MCU: variants seen among roughly 807,000 people sequenced by gnomAD.
MCU encodes the protein mitochondrial calcium uniporter, also known as calcium uniporter protein, mitochondrial.
Under a neutral mutation model 45.2 loss-of-function variants are expected in MCU, and 12 were observed. The ratio of observed to expected loss-of-function variants is 0.27; its 90% confidence interval spans 0.17 to 0.43. MCU has a LOEUF of 0.43. MCU is among the 20% of genes least tolerant of loss of function. The pLI is 1.00. For missense variants in MCU, 324 were observed against 436.7 expected, an observed-to-expected ratio of 0.74 and a Z score of 2.30; for synonymous variants, 160 against 165.1, an observed-to-expected ratio of 0.97 and a Z score of 0.24.
chr10:72,885,704 G>C, intron 7 of MCU, 41 bp from the exon 8 acceptor site: 1 of 1,317,532 alleles, frequency 7.6e-7, no homozygotes, highest in Non-Finnish European at 1.1e-6. Context: ...ATCATTGAAA[G>C]CTTCACTAGC....
intron 1 of MCU, among the ~76,000 whole-genome samples, chr10:72,743,068 A>C (rs927014910): frequency 3.3e-5 from 5 of 151,692 alleles, no homozygotes; most frequent in Admixed American, 3.3e-4. Flanking sequence ...CTTGATCATC[A>C]TGTTGTATTT....
At position 72,799,724 on chromosome 10, in the gene MCU, G is replaced by A. The variant is rs181931669; in HGVS notation, c.151-34635G>A. ...CATCTGATAGAAAAAAAAAGGTAAA[G>A]CAAAACCCATGTCATTGTTTTTAAT... On this transcript the variant is annotated intron_variant, in intron 1 of 7. Transcript: ENST00000373053. Among the ~76,000 whole-genome samples the A allele has an allele frequency of 5.9e-3, 902 of 151,956 alleles. 11 individuals are homozygous for A. Among genetic ancestry groups the A allele is most frequent in the African/African-American group, 0.021 (850 of 41,426 alleles).
intron 1 of MCU, among the ~76,000 whole-genome samples, chr10:72,825,491 T>C (rs1738040352): frequency 6.6e-6 from 1 of 152,204 alleles, no homozygotes; most frequent in Non-Finnish European, 1.5e-5. Context: ...AATACAAAAT[T>C]TGTTTTTAAT....
intron 1 of MCU, among the ~76,000 whole-genome samples, chr10:72,728,989 A>G (rs557473161): frequency 2.4e-4 from 37 of 152,296 alleles, no homozygotes; most frequent in African/African-American, 8.9e-4. Flanking sequence ...TAGTGTCCAA[A>G]TCTGGTGGGC....
rs1845794403 is a variant in MCU, at chr10:72,887,622, CTGTATCATTT to C, written c.*1801_*1810del. The C allele has an allele frequency of 6.6e-6, 1 of 152,628 alleles. No homozygotes were observed. Among genetic ancestry groups the C allele is most frequent in the Non-Finnish European group, 1.5e-5 (1 of 68,014 alleles). 9.5% of individuals were successfully genotyped at this position (152,628 alleles called of 1,614,324 possible). A position where few individuals can be genotyped will look rare whatever the true frequency, so the allele number is the denominator to read the frequency against. On this transcript the variant is annotated 3_prime_UTR_variant, in exon 8 of 8. Coordinates refer to ENST00000373053, the MANE Select transcript of MCU (RefSeq NM_138357.3). ...CAAACTATTGAACATGTGTAAAATC[CTGTATCATTT>C]ATGAAATATGTATAAAAAGCAATGT...
intron 1 of MCU, among the ~76,000 whole-genome samples, chr10:72,706,126 T>C (rs1842816485): frequency 6.6e-6 from 1 of 152,190 alleles, no homozygotes; most frequent in Non-Finnish European, 1.5e-5. Context: ...TTTTTCATTT[T>C]TATAATAATA....
chr10:72,727,969 T>C (rs1419429882), intron 1 of MCU, among the ~76,000 whole-genome samples: 1 of 152,020 alleles, frequency 6.6e-6, no homozygotes, highest in East Asian at 1.9e-4. Context: ...AGAATCAGTC[T>C]TGGTGTCTAC....
chr10:72,777,370 G>C (rs1195636644), intron 1 of MCU, among the ~76,000 whole-genome samples: 1 of 152,128 alleles, frequency 6.6e-6, no homozygotes, highest in Non-Finnish European at 1.5e-5. Flanking sequence ...ATGGAACAGA[G>C]TTGAGAATCC....
intron 1 of MCU, among the ~76,000 whole-genome samples, chr10:72,791,866 T>C (rs967399805): frequency 1.3e-5 from 2 of 152,152 alleles, no homozygotes; most frequent in African/African-American, 4.8e-5. Context: ...AAAAAGATTT[T>C]TAAGTGATTC....
chr10:72,800,657 A>G (rs1844325028), intron 1 of MCU, among the ~76,000 whole-genome samples: 1 of 152,204 alleles, frequency 6.6e-6, no homozygotes, highest in Non-Finnish European at 1.5e-5. Context: ...AACAAAAGCA[A>G]ACATCCTGTA....
At chr10:72,708,287 T>C (rs960637855) in intron 1 of MCU, 5 of 151,942 alleles carry the variant, frequency 3.3e-5, no homozygotes, top group African/African-American at 1.2e-4. Flanking sequence ...CCGAAGGGAG[T>C]GGAGGAAGAG....
At chr10:72,792,176 C>T (rs899207858) in intron 1 of MCU, among the ~76,000 whole-genome samples, 16 of 152,166 alleles carry the variant, frequency 1.1e-4, no homozygotes, top group Non-Finnish European at 1.8e-4. Context: ...GCAGCTAATG[C>T]GTAAATCCTT....
At chr10:72,794,779 T>C (rs1190069757) in intron 1 of MCU, among the ~76,000 whole-genome samples, 1 of 152,224 alleles carries the variant, frequency 6.6e-6, no homozygotes, top group East Asian at 1.9e-4. Flanking sequence ...CTCTCTTTAA[T>C]GGAGAGTATC....
intron 1 of MCU, among the ~76,000 whole-genome samples, chr10:72,826,653 C>A (rs940565549): frequency 1.3e-5 from 2 of 152,206 alleles, no homozygotes; most frequent in African/African-American, 2.4e-5. Context: ...CAATAAAATT[C>A]TTTAAGCCAA....
At chr10:72,705,741 C>T (rs1275793426) in intron 1 of MCU, among the ~76,000 whole-genome samples, 1 of 151,602 alleles carries the variant, frequency 6.6e-6, no homozygotes, top group African/African-American at 2.4e-5. Flanking sequence ...TCATTTGAAC[C>T]CAGAGGTGAA....
intron 1 of MCU, among the ~76,000 whole-genome samples, chr10:72,824,672 T>C (rs1480270802): frequency 6.6e-6 from 1 of 152,194 alleles, no homozygotes; most frequent in Non-Finnish European, 1.5e-5. Context: ...AGCTTTCTCT[T>C]TTTGTATTTT....
At chr10:72,729,824 C>G (rs1843147215) in intron 1 of MCU, among the ~76,000 whole-genome samples, 2 of 152,126 alleles carry the variant, frequency 1.3e-5, no homozygotes, top group South Asian at 4.1e-4. Context: ...GCATCCCTGG[C>G]CCCTCTACCC....
intron 1 of MCU, among the ~76,000 whole-genome samples, chr10:72,696,090 AG>A (rs1765963333): frequency 7.2e-6 from 1 of 139,416 alleles, no homozygotes; most frequent in South Asian, 2.3e-4. Flanking sequence ...TGAAACTAGA[AG>A]GCGGAGGTTG....
At chr10:72,779,319 C>T (rs534492414) in intron 1 of MCU, among the ~76,000 whole-genome samples, 4 of 152,078 alleles carry the variant, frequency 2.6e-5, no homozygotes, top group Admixed American at 6.6e-5. Context: ...GTAGGAGTTA[C>T]GACAATAAAA....
Sources: allele counts gnomAD v4.1 joint callset (sites outside exome capture counted in the v4.1 genomes callset), GRCh38; gene constraint gnomAD v4.1.1; transcripts MANE v1.5; gene names NCBI Gene and HGNC (gene_info 2026-07-23, HGNC 2026-07-21).